The following SLX4IP variants were observed in gnomAD, a reference collection of about 807,000 sequenced individuals.
The protein encoded by SLX4IP is SLX4 interacting protein, also known as protein SLX4IP.
A neutral mutation model predicts 32.9 loss-of-function variants in SLX4IP; 34 were observed. The ratio of observed to expected loss-of-function variants is 1.03; its 90% CI spans 0.79 to 1.38. The LOEUF is 1.38. Among genes scored for constraint, SLX4IP ranks in the 40% most tolerant of loss-of-function variants. The pLI is 0.00. For missense variants in SLX4IP, 444 were observed against 479.0 expected (o/e 0.93, Z 0.68); for synonymous variants, 172 against 171.7 (o/e 1.00, Z -0.01).
rs149767316 is a variant in SLX4IP at position 10,622,883 on chromosome 20, A to C, written c.731A>C (p.Asn244Thr). The C allele has an allele frequency of 1.2e-4, 196 of 1,613,938 alleles. No homozygotes were observed. The highest frequency in any genetic ancestry group is 3.3e-4 in the Middle Eastern group (2 of 6,084). Residue 244 changes from asparagine (N) to threonine (T), a missense_variant, in exon 8 of 8, where the codon AAT becomes ACT. Asn to Thr is a moderately conservative substitution (Grantham distance 65). Transcript: ENST00000334534. Reference sequence around the variant, plus strand: ...CCTGTTCAAAAGCTGGAAAAAGTTAATCAGACCCAGCCAGAAGACACTAGT... The same window carrying C: ...CCTGTTCAAAAGCTGGAAAAAGTTACTCAGACCCAGCCAGAAGACACTAGT... ...GLPVQKLEKV[N>T]QTQPEDTSGQ...
At chr20:10,589,123 A>G (rs1410338634) in intron 4 of SLX4IP, among the ~76,000 whole-genome samples, 1 of 152,222 alleles carries the variant, frequency 6.6e-6, no homozygotes, top group East Asian at 1.9e-4. Context: ...ATTTCAGCTG[A>G]CAACATATAG....
chr20:10,456,381 A>G (rs941647318), intron 1 of SLX4IP, among the ~76,000 whole-genome samples: 2 of 152,042 alleles, frequency 1.3e-5, no homozygotes, highest in Non-Finnish European at 2.9e-5. Flanking sequence ...TTGCTCTGTC[A>G]CCCAGGGTGG....
intron 2 of SLX4IP, among the ~76,000 whole-genome samples, chr20:10,466,390 G>A (rs1177491614): frequency 3.3e-5 from 5 of 152,152 alleles, no homozygotes; most frequent in African/African-American, 1.2e-4. Flanking sequence ...GATTAGTTAG[G>A]TATTATACTA....
At chr20:10,481,827 C>T (rs1023629916) in intron 2 of SLX4IP, among the ~76,000 whole-genome samples, 23 of 152,148 alleles carry the variant, frequency 1.5e-4, no homozygotes, top group Admixed American at 8.5e-4. Flanking sequence ...TTGTTCTTAA[C>T]GCTCAGTCGC....
intron 2 of SLX4IP, among the ~76,000 whole-genome samples, chr20:10,525,162 T>G (rs1453683358): frequency 1.3e-5 from 2 of 152,232 alleles, no homozygotes; most frequent in African/African-American, 4.8e-5. Context: ...TCTTTATAAT[T>G]AGTATTTTCA....
At chr20:10,604,217 C>T (rs548955361) in intron 6 of SLX4IP, among the ~76,000 whole-genome samples, 16 of 152,198 alleles carry the variant, frequency 1.1e-4, no homozygotes, top group Admixed American at 2.6e-4. Context: ...AATTGGTACC[C>T]GCAGTAGCTA....
intron 5 of SLX4IP, among the ~76,000 whole-genome samples, chr20:10,600,615 T>A (rs943503791): frequency 6.6e-6 from 1 of 152,178 alleles, no homozygotes; most frequent in Non-Finnish European, 1.5e-5. Context: ...TGTGTCCATG[T>A]AATTGACACC....
At chr20:10,562,388 G>A (rs2066342934) in intron 4 of SLX4IP, among the ~76,000 whole-genome samples, 1 of 152,152 alleles carries the variant, frequency 6.6e-6, no homozygotes, top group Non-Finnish European at 1.5e-5. Context: ...CTCTCCGACT[G>A]CCCCTGGCAG....
chr20:10,438,618 C>G (rs1260172523), intron 1 of SLX4IP, among the ~76,000 whole-genome samples: 1 of 151,330 alleles, frequency 6.6e-6, no homozygotes, highest in East Asian at 2.0e-4. Context: ...GCTGGGATTA[C>G]AGGCTTCCTT....
At chr20:10,551,480 G>GT (rs567889155) in intron 2 of SLX4IP, among the ~76,000 whole-genome samples, 89 of 152,204 alleles carry the variant, frequency 5.8e-4, no homozygotes, top group Middle Eastern at 6.8e-3. Flanking sequence ...TCTGTCATTT[G>GT]TTTTTTTCAT....
At chr20:10,508,803 C>G (rs565983200) in intron 2 of SLX4IP, among the ~76,000 whole-genome samples, 5 of 152,248 alleles carry the variant, frequency 3.3e-5, no homozygotes, top group Admixed American at 2.6e-4. Context: ...GTTCCATCCG[C>G]TGGGGCCTGG....
intron 4 of SLX4IP, among the ~76,000 whole-genome samples, chr20:10,590,790 C>T (rs1483886200): frequency 2.0e-5 from 3 of 152,060 alleles, no homozygotes; most frequent in African/African-American, 7.2e-5. Context: ...AACTGAATAC[C>T]TATCTTCAAG....
At chr20:10,448,077 G>C (rs1268891626) in intron 1 of SLX4IP, among the ~76,000 whole-genome samples, 1 of 118,588 alleles carries the variant, frequency 8.4e-6, no homozygotes. Context: ...TACCTCACTT[G>C]ATTCTGATGT....
intron 4 of SLX4IP, among the ~76,000 whole-genome samples, chr20:10,579,467 G>A (rs188792900): frequency 5.3e-5 from 8 of 149,742 alleles, no homozygotes; most frequent in African/African-American, 1.5e-4. Context: ...TCTCTCTGTC[G>A]CCCAGGCTGG....
At chr20:10,460,443 A>T (rs2065327390) in intron 2 of SLX4IP, among the ~76,000 whole-genome samples, 2 of 152,176 alleles carry the variant, frequency 1.3e-5, no homozygotes, top group South Asian at 4.1e-4. Flanking sequence ...ACTTAGGTGG[A>T]AAATGAAAGA....
At chr20:10,583,371 C>T (rs900981473) in intron 4 of SLX4IP, among the ~76,000 whole-genome samples, 1 of 152,172 alleles carries the variant, frequency 6.6e-6, no homozygotes, top group Non-Finnish European at 1.5e-5. Context: ...AGGGTCTGAA[C>T]AAGGTTGGTG....
intron 1 of SLX4IP, among the ~76,000 whole-genome samples, chr20:10,445,206 A>G (rs181432920): frequency 1.3e-3 from 200 of 151,710 alleles, no homozygotes; most frequent in African/African-American, 4.8e-3. Flanking sequence ...TCCACCCCCT[A>G]CTGCCTTGCC....
chr20:10,452,171 C>T (rs1415110573), intron 1 of SLX4IP, among the ~76,000 whole-genome samples: 1 of 152,154 alleles, frequency 6.6e-6, no homozygotes, highest in Non-Finnish European at 1.5e-5. Context: ...TCCTCAACCC[C>T]TTTCCTCCAT....
At chr20:10,476,446 ATTT>A (rs958196855) in intron 2 of SLX4IP, among the ~76,000 whole-genome samples, 4 of 152,214 alleles carry the variant, frequency 2.6e-5, no homozygotes, top group African/African-American at 9.7e-5. Flanking sequence ...TAGCTTTAGT[ATTT>A]TTAATTGTCA....
Sources: gnomAD v4.1 joint callset for allele counts (sites outside exome capture counted in the v4.1 genomes callset) on GRCh38, gnomAD v4.1.1 for gene constraint, MANE v1.5 for transcripts, NCBI Gene and HGNC (gene_info 2026-07-23, HGNC 2026-07-21) for gene names.